Variants in SCARB1 observed in about 807,000 individuals in gnomAD.
The protein encoded by SCARB1 is scavenger receptor class B member 1.
Under a neutral mutation model 57.2 loss-of-function variants are expected in SCARB1, and 30 were observed. The observed-to-expected ratio is 0.52, with a 90% CI of 0.39 to 0.71. The LOEUF (loss-of-function observed/expected upper bound fraction) is 0.71. Ranked by LOEUF, SCARB1 falls within the 30% of genes least tolerant of loss-of-function variation. SCARB1 has a pLI of 0.00. For synonymous variants in SCARB1, 249 were observed against 268.3 expected (o/e 0.93, Z 0.70); for missense variants, 543 against 671.2 (o/e 0.81, Z 2.11).
chr12:124,805,324 C>T (rs1950283588), intron 7 of SCARB1, among the ~76,000 whole-genome samples: 1 of 152,202 alleles, frequency 6.6e-6, no homozygotes, highest in Admixed American at 6.5e-5. Flanking sequence ...GCAACCCATG[C>T]AAACCACAGT....
chr12:124,841,027 A>G (rs1371809897), intron 1 of SCARB1, among the ~76,000 whole-genome samples: 1 of 151,994 alleles, frequency 6.6e-6, no homozygotes, highest in Non-Finnish European at 1.5e-5. Context: ...AAATTAGCCG[A>G]GTGTAGTGGC....
intron 1 of SCARB1, among the ~76,000 whole-genome samples, chr12:124,833,065 C>G (rs1169484297): frequency 1.3e-5 from 2 of 152,058 alleles, no homozygotes; most frequent in African/African-American, 2.4e-5. Context: ...CCCCTTATCA[C>G]TCCAACCCCT....
At chr12:124,826,299 C>G (rs1292934974) in intron 1 of SCARB1, among the ~76,000 whole-genome samples, 1 of 141,786 alleles carries the variant, frequency 7.1e-6, no homozygotes, top group Non-Finnish European at 1.5e-5. Context: ...CCACTGCACT[C>G]TAGCCTGGGT....
At chr12:124,855,679 T>G (rs1013865520) in intron 1 of SCARB1, among the ~76,000 whole-genome samples, 5 of 152,184 alleles carry the variant, frequency 3.3e-5, no homozygotes, top group Non-Finnish European at 2.9e-5. Context: ...CAGCGCCTCC[T>G]GGAGCAGAAG....
At chr12:124,855,127 C>T (rs1952576501) in intron 1 of SCARB1, among the ~76,000 whole-genome samples, 1 of 152,152 alleles carries the variant, frequency 6.6e-6, no homozygotes, top group Non-Finnish European at 1.5e-5. Context: ...ATTTAAAGCG[C>T]CTCAAGGGTC....
intron 11 of SCARB1, chr12:124,785,891 C>G (rs1209330029): frequency 3.1e-6 from 2 of 645,504 alleles, no homozygotes; most frequent in Non-Finnish European, 5.2e-6. Context: ...CCTCACAGCT[C>G]CTATCATGAG....
chr12:124,806,450 C>T (rs1318529757), intron 7 of SCARB1, among the ~76,000 whole-genome samples: 2 of 152,130 alleles, frequency 1.3e-5, no homozygotes, highest in African/African-American at 2.4e-5. Context: ...ACCCACACTG[C>T]GGAACGAGAA....
At chr12:124,853,602 C>A (rs1952517044) in intron 1 of SCARB1, among the ~76,000 whole-genome samples, 1 of 152,092 alleles carries the variant, frequency 6.6e-6, no homozygotes, top group Non-Finnish European at 1.5e-5. Flanking sequence ...ACCATGTTGG[C>A]CAGGCTGGTC....
intron 1 of SCARB1, among the ~76,000 whole-genome samples, chr12:124,858,721 T>C (rs1453565337): frequency 7.2e-5 from 11 of 151,762 alleles, no homozygotes; most frequent in South Asian, 4.2e-4. Flanking sequence ...CCACTAAAAA[T>C]ACAAAAAACT....
chr12:124,858,480 C>T (rs1952729592), intron 1 of SCARB1, among the ~76,000 whole-genome samples: 1 of 152,196 alleles, frequency 6.6e-6, no homozygotes, highest in African/African-American at 2.4e-5. Context: ...GCAACCTCGA[C>T]CACAGGGCCC....
chr12:124,789,221 C>T lies in SCARB1; in HGVS notation c.1203-1764G>A, dbSNP rs838865. Among the ~76,000 whole-genome samples the T allele has an allele frequency of 0.18, 27,455 of 152,100 alleles. 4,497 individuals are homozygous for T. The highest frequency in any genetic ancestry group is 0.42 in the East Asian group (2,177 of 5,170). On this transcript the variant is annotated intron_variant, in intron 9 of 12. Transcript: ENST00000261693. This position sits in a 1 kb window ranked among gnomAD's most constrained non-coding sequence, Gnocchi z 4.4. ...GGAATGTACCCAAGATGCTCTGAAA[C>T]TGGAACTTTCTCTCTGCGGTCCTCC... is the stretch of plus-strand genomic sequence containing the variant.
intron 1 of SCARB1, among the ~76,000 whole-genome samples, chr12:124,820,458 C>T (rs924428170): frequency 6.6e-6 from 1 of 152,176 alleles, no homozygotes; most frequent in East Asian, 1.9e-4. Context: ...CCCTCCCCAC[C>T]CCATGGCGGC....
At chr12:124,795,907 CT>C (rs1296261845) in intron 8 of SCARB1, among the ~76,000 whole-genome samples, 1 of 152,186 alleles carries the variant, frequency 6.6e-6, no homozygotes, top group African/African-American at 2.4e-5. Context: ...TGGTTGTCTT[CT>C]TTTTTTGGAG....
rs1950989356 is a variant in SCARB1, at chr12:124,822,562, T to C, written c.127-4855A>G. On this transcript the variant is annotated intron_variant, in intron 1 of 12. Coordinates refer to ENST00000261693, the MANE Select transcript of SCARB1 (RefSeq NM_005505.5). The surrounding 1 kb of genome is among the most constrained non-coding windows in gnomAD (Gnocchi z 5.0). ...CCAGCTATCTTGATTTTGGTTGCCA[T>C]ATAGGTGAAGTGTATACATCTGATG... 6.6e-6 allele frequency among the ~76,000 whole-genome samples: 1 copy of C among 152,122 alleles called. No homozygotes were observed. The highest frequency in any genetic ancestry group is 2.4e-5 in the African/African-American group (1 of 41,424).
chr12:124,812,402 T>C lies in SCARB1; in HGVS notation c.631-437A>G, dbSNP rs1197069622. On this transcript the variant is annotated intron_variant, in intron 4 of 12. Coordinates refer to ENST00000261693, the MANE Select transcript of SCARB1 (RefSeq NM_005505.5). The surrounding 1 kb of genome is among the most constrained non-coding windows in gnomAD (Gnocchi z 4.3). ...CTGCTATAGCAGCCAAGGAGGTATGTGTCAAGACAGAGCCTCCCTCAGCCT... is the reference window on the plus strand; with the variant it reads ...CTGCTATAGCAGCCAAGGAGGTATGCGTCAAGACAGAGCCTCCCTCAGCCT... 6.6e-6 allele frequency among the ~76,000 whole-genome samples: 1 copy of C among 152,220 alleles called. No individual in the cohort carries two copies. The highest frequency in any genetic ancestry group is 1.5e-5 in the Non-Finnish European group (1 of 68,042).
Position 124,863,620 on chromosome 12 carries a change from G to A in SCARB1, c.101C>T (p.Ser34Leu), listed in dbSNP as rs775334447. 1.2e-6 allele frequency: 2 copies of A among 1,601,610 alleles called. No individual in the cohort carries two copies. Among genetic ancestry groups the A allele is most frequent in the Admixed American group, 3.4e-5 (2 of 59,084 alleles). Residue 34 changes from serine to leucine, a missense_variant, in exon 1 of 13, where the codon TCG (serine) becomes TTG (leucine). By Grantham distance (145) the Ser-to-Leu change is moderately radical. Transcript: ENST00000261693. ...CTTAAGGACCTGCTGCTTGATGAGCGACGGCACCATCACGATCATGACAGC... is the reference window on the plus strand; with the variant it reads ...CTTAAGGACCTGCTGCTTGATGAGCAACGGCACCATCACGATCATGACAGC... Reference protein sequence around the residue: ...LGAVMIVMVPSLIKQQVLKNV... With the variant: ...LGAVMIVMVPLLIKQQVLKNV...
intron 1 of SCARB1, among the ~76,000 whole-genome samples, chr12:124,827,287 C>T (rs1395816493): frequency 1.3e-5 from 2 of 152,256 alleles, no homozygotes; most frequent in African/African-American, 2.4e-5. Context: ...CATAATAGAT[C>T]GAGTAAGTGT....
chr12:124,815,668 C>T (rs1252317807), intron 2 of SCARB1, among the ~76,000 whole-genome samples: 1 of 152,148 alleles, frequency 6.6e-6, no homozygotes, highest in East Asian at 1.9e-4. Context: ...GAGTTCAAGA[C>T]CATCCTGCCC....
At chr12:124,855,332 C>T (rs543537346) in intron 1 of SCARB1, among the ~76,000 whole-genome samples, 3 of 152,162 alleles carry the variant, frequency 2.0e-5, no homozygotes, top group Admixed American at 6.5e-5. Context: ...TCCTGGAACC[C>T]GGGACCTGGG....
Sources: allele counts gnomAD v4.1 joint callset (sites outside exome capture counted in the v4.1 genomes callset), GRCh38; gene constraint gnomAD v4.1.1; non-coding constraint Gnocchi (gnomAD v3.1); transcripts MANE v1.5; gene names NCBI Gene and HGNC (gene_info 2026-07-23, HGNC 2026-07-21).